WWOX: variants seen among roughly 807,000 people sequenced by gnomAD.
WWOX encodes the protein WW domain containing oxidoreductase.
In WWOX, 69 loss-of-function variants were observed where a neutral mutation model predicts 46.2. The observed-to-expected ratio is 1.49, with a 90% CI of 1.23 to 1.82. The LOEUF is 1.82. Among genes scored for constraint, WWOX ranks in the 40% most tolerant of loss-of-function variants. The pLI, the probability that WWOX is intolerant of heterozygous loss-of-function variation, is 0.00. For missense variants in WWOX, 919 were observed against 542.6 expected, an observed-to-expected ratio of 1.69 and a Z score of -6.89; for synonymous variants, 359 against 202.6, an observed-to-expected ratio of 1.77 and a Z score of -6.56.
chr16:79,084,674 A>C (rs1458168098), intron 8 of WWOX, among the ~76,000 whole-genome samples: 1 of 152,166 alleles, frequency 6.6e-6, no homozygotes, highest in African/African-American at 2.4e-5. Flanking sequence ...CGGCCTCCCA[A>C]AGTGCTGGGA....
rs182944073 is a variant in WWOX at position 79,199,645 on chromosome 16, C to T, written c.1057-11963C>T. 3.3e-5 allele frequency among the ~76,000 whole-genome samples: 5 copies of T among 152,244 alleles called. No individual in the cohort carries two copies. In the East Asian group the frequency reaches 9.7e-4, roughly 29 times the overall value. ...CCACCTTGCCACCTAGAACATGTCA[C>T]AGAAGGTATCCTGGCCCCTGTATGG... On this transcript the variant is annotated intron_variant, in intron 8 of 8. Coordinates refer to ENST00000566780, the MANE Select transcript of WWOX (RefSeq NM_016373.4).
intron 8 of WWOX, among the ~76,000 whole-genome samples, chr16:78,823,915 A>G (rs2037960): frequency 0.16 from 24,072 of 151,934 alleles, 2,000 homozygotes; most frequent in Admixed American, 0.23. Context: ...AGCTAGGACT[A>G]CAGGCGAGAG....
At chr16:78,593,093 A>T (rs547139225) in intron 8 of WWOX, among the ~76,000 whole-genome samples, 1 of 152,262 alleles carries the variant, frequency 6.6e-6, no homozygotes, top group East Asian at 1.9e-4. Context: ...AGAAATGACA[A>T]CGAATATTTG....
chr16:78,804,165 G>C (rs936036107), intron 8 of WWOX, among the ~76,000 whole-genome samples: 4 of 152,212 alleles, frequency 2.6e-5, no homozygotes, highest in Admixed American at 2.6e-4. Flanking sequence ...TTTTTAATAA[G>C]GGCTGGGGGT....
chr16:78,500,778 C>G (rs1268070341), intron 8 of WWOX, among the ~76,000 whole-genome samples: 3 of 152,134 alleles, frequency 2.0e-5, no homozygotes, highest in Middle Eastern at 3.2e-3. Flanking sequence ...ATGAATTATT[C>G]AGGCAGTGTT....
intron 8 of WWOX, among the ~76,000 whole-genome samples, chr16:78,737,171 C>T (rs2049111397): frequency 6.6e-6 from 1 of 151,930 alleles, no homozygotes; most frequent in Middle Eastern, 3.4e-3. Context: ...ATGATCTCGG[C>T]TCACTACAGC....
intron 8 of WWOX, among the ~76,000 whole-genome samples, chr16:79,002,241 G>A (rs1416277474): frequency 6.5e-5 from 2 of 30,772 alleles, no homozygotes; most frequent in Admixed American, 3.5e-4. Context: ...TTTTTTTTTT[G>A]AGATGGAGTT....
intron 8 of WWOX, among the ~76,000 whole-genome samples, chr16:78,718,629 G>T (rs1025270591): frequency 2.0e-5 from 3 of 152,010 alleles, no homozygotes; most frequent in Non-Finnish European, 4.4e-5. Flanking sequence ...GATCCCTTGA[G>T]CCCAGGATTT....
intron 8 of WWOX, among the ~76,000 whole-genome samples, chr16:78,973,397 C>A (rs1451476777): frequency 6.6e-6 from 1 of 152,148 alleles, no homozygotes; most frequent in South Asian, 2.1e-4. Context: ...CCACTTTTAA[C>A]AGCACAATAC....
At chr16:78,900,722 A>C (rs556463050) in intron 8 of WWOX, among the ~76,000 whole-genome samples, 1 of 152,350 alleles carries the variant, frequency 6.6e-6, no homozygotes, top group African/African-American at 2.4e-5. Context: ...CAATGGAATC[A>C]TAAAAAACAA....
chr16:78,803,098 C>T lies in WWOX; in HGVS notation c.1056+370346C>T, dbSNP rs560768079. Among the ~76,000 whole-genome samples, 182 of 151,608 alleles carry T rather than the reference C, an allele frequency of 1.2e-3. No homozygotes were observed. In the South Asian group the frequency reaches 0.012, roughly 10 times the overall value. ...TTTTAAAAAATGTCTTGGAATCAGTCATAGTTTAATATCAATTATATATAA... is the reference window on the plus strand; with the variant it reads ...TTTTAAAAAATGTCTTGGAATCAGTTATAGTTTAATATCAATTATATATAA... On this transcript the variant is annotated intron_variant, in intron 8 of 8. Coordinates refer to ENST00000566780, the MANE Select transcript of WWOX (RefSeq NM_016373.4).
intron 8 of WWOX, among the ~76,000 whole-genome samples, chr16:78,634,679 C>T (rs534854867): frequency 4.0e-5 from 6 of 149,268 alleles, no homozygotes; most frequent in Non-Finnish European, 8.9e-5. Context: ...GCACTCCAGC[C>T]TGGGTGACAG....
intron 8 of WWOX, among the ~76,000 whole-genome samples, chr16:78,539,663 G>A (rs2043840578): frequency 6.6e-6 from 1 of 152,200 alleles, no homozygotes; most frequent in Non-Finnish European, 1.5e-5. Context: ...TGTACTTGCA[G>A]TGGCTGCCTG....
At chr16:78,614,040 A>T (rs78204114) in intron 8 of WWOX, among the ~76,000 whole-genome samples, 1 of 152,216 alleles carries the variant, frequency 6.6e-6, no homozygotes, top group South Asian at 2.1e-4. Flanking sequence ...AATATTTACT[A>T]TCTGGCTCTT....
intron 8 of WWOX, among the ~76,000 whole-genome samples, chr16:78,463,779 G>A (rs1291032650): frequency 1.3e-5 from 2 of 152,174 alleles, no homozygotes; most frequent in African/African-American, 2.4e-5. Flanking sequence ...TTAGGTTAGG[G>A]TTTATGATCA....
chr16:78,708,719 G>A (rs760307776), intron 8 of WWOX, among the ~76,000 whole-genome samples: 2 of 152,096 alleles, frequency 1.3e-5, no homozygotes, highest in African/African-American at 4.8e-5. Context: ...ATTATTGTCC[G>A]CACTCCAAAA....
At chr16:79,207,788 C>CT (rs35405085) in intron 8 of WWOX, among the ~76,000 whole-genome samples, 89,725 of 150,634 alleles carry the variant, frequency 0.6, 28,654 homozygotes, top group Non-Finnish European at 0.73. Context: ...TATGTGGGTG[C>CT]TTTTTTTTTC....
At chr16:78,969,882 A>G (rs986503190) in intron 8 of WWOX, among the ~76,000 whole-genome samples, 5 of 152,186 alleles carry the variant, frequency 3.3e-5, no homozygotes, top group Non-Finnish European at 5.9e-5. Context: ...ACAGCTAAAG[A>G]TAGCAGGATT....
chr16:78,334,214 C>T (rs1032175930), intron 5 of WWOX, among the ~76,000 whole-genome samples: 1 of 152,198 alleles, frequency 6.6e-6, no homozygotes, highest in Admixed American at 6.5e-5. Flanking sequence ...GATACCACAT[C>T]GCTGCCACAA....
Sources: gnomAD v4.1 joint callset for allele counts (sites outside exome capture counted in the v4.1 genomes callset) on GRCh38, gnomAD v4.1.1 for gene constraint, MANE v1.5 for transcripts, NCBI Gene and HGNC (gene_info 2026-07-23, HGNC 2026-07-21) for gene names.